BMPR1B: variants seen among roughly 807,000 people sequenced by gnomAD.
BMPR1B encodes the protein bone morphogenetic protein receptor type 1B, also known as bone morphogenetic protein receptor type-1B.
Under a neutral mutation model 59.1 loss-of-function variants are expected in BMPR1B, and 12 were observed. The ratio of observed to expected loss-of-function variants is 0.20; its 90% CI spans 0.13 to 0.33. The LOEUF is 0.33. Ranked by LOEUF, BMPR1B falls within the 10% of genes least tolerant of loss-of-function variation. The pLI, the probability that BMPR1B is intolerant of heterozygous loss-of-function variation, is 1.00. For missense variants in BMPR1B, 550 were observed against 610.9 expected, an observed-to-expected ratio of 0.90 and a Z score of 1.05; for synonymous variants, 237 against 207.3, an observed-to-expected ratio of 1.14 and a Z score of -1.23.
chr4:94,817,527 T>C (rs1724055315), intron 1 of BMPR1B, among the ~76,000 whole-genome samples: 1 of 152,106 alleles, frequency 6.6e-6, no homozygotes, highest in South Asian at 2.1e-4. Flanking sequence ...TTTTTTTTTC[T>C]TGGTCTGCGA....
intron 2 of BMPR1B, among the ~76,000 whole-genome samples, chr4:94,905,587 C>A (rs1220230736): frequency 6.6e-6 from 1 of 151,666 alleles, no homozygotes; most frequent in Non-Finnish European, 1.5e-5. Flanking sequence ...TAAACATTTT[C>A]CCTTTTAATA....
At chr4:95,023,948 G>A (rs1021921766) in intron 3 of BMPR1B, among the ~76,000 whole-genome samples, 8 of 152,102 alleles carry the variant, frequency 5.3e-5, no homozygotes, top group Non-Finnish European at 5.9e-5. Flanking sequence ...TAGCAAGAAC[G>A]GATGCTTGGA....
rs183138478 is a variant in BMPR1B at position 94,760,012 on chromosome 4, A to G, written c.-183+1944A>G. The stretch of plus-strand genomic sequence containing the variant: ...TGTTATTTGTCCAATCTGAATTACC[A>G]TTTAGAAAACCACCTTTTCCTTTTA... On this transcript the variant is annotated intron_variant, in intron 1 of 12. Coordinates refer to ENST00000515059, the MANE Select transcript of BMPR1B (RefSeq NM_001203.3). Among the ~76,000 whole-genome samples, 90 of 152,352 alleles carry G rather than the reference A, an allele frequency of 5.9e-4. No individual in the cohort carries two copies. In the Middle Eastern group the frequency reaches 0.01, roughly 17 times the overall value.
chr4:95,124,070 A>T lies in BMPR1B; in HGVS notation c.446+164A>T, dbSNP rs1273918544. On this transcript the variant is annotated intron_variant, in intron 7 of 12. Transcript: ENST00000515059. ...GTTACTGTTGATAAATATTTGTCCT[A>T]ATGAAGTTACAAATAGATACCTATC... 2.0e-5 allele frequency among the ~76,000 whole-genome samples: 3 copies of T among 152,164 alleles called. No individual in the cohort carries two copies. In the East Asian group the frequency reaches 5.8e-4, roughly 29 times the overall value.
chr4:94,810,581 A>G (rs1271222562), intron 1 of BMPR1B, among the ~76,000 whole-genome samples: 1 of 152,230 alleles, frequency 6.6e-6, no homozygotes, highest in Non-Finnish European at 1.5e-5. Context: ...CACACAGACA[A>G]AGCAAATGCA....
intron 3 of BMPR1B, among the ~76,000 whole-genome samples, chr4:95,078,251 T>G (rs889634444): frequency 6.6e-6 from 1 of 152,228 alleles, no homozygotes; most frequent in Admixed American, 6.5e-5. Context: ...TCTATCACAC[T>G]CTAGGAAGTA....
At chr4:94,970,312 C>CTCTCTCTCTT (rs1476849585) in intron 2 of BMPR1B, among the ~76,000 whole-genome samples, 1 of 96,390 alleles carries the variant, frequency 1.0e-5, no homozygotes, top group African/African-American at 4.0e-5. Flanking sequence ...TTCTTTCTCT[C>CTCTCTCTCTT]TCTCTTTCTC....
At chr4:95,094,728 C>A in intron 3 of BMPR1B, among the ~76,000 whole-genome samples, 1 of 152,160 alleles carries the variant, frequency 6.6e-6, no homozygotes, top group East Asian at 1.9e-4. Context: ...TACCCTACAT[C>A]GTCATCAAGT....
intron 2 of BMPR1B, among the ~76,000 whole-genome samples, chr4:94,965,973 A>C (rs1240132708): frequency 6.6e-6 from 1 of 152,204 alleles, no homozygotes; most frequent in Non-Finnish European, 1.5e-5. Flanking sequence ...ATTAGCCAGG[A>C]GAGCACTTAG....
At chr4:94,869,334 T>C (rs1355959053) in intron 1 of BMPR1B, among the ~76,000 whole-genome samples, 1 of 152,218 alleles carries the variant, frequency 6.6e-6, no homozygotes, top group Admixed American at 6.5e-5. Flanking sequence ...GTTATTTTAC[T>C]AAGCACCAGA....
intron 10 of BMPR1B, among the ~76,000 whole-genome samples, chr4:95,133,322 G>T (rs1733520247): frequency 6.6e-6 from 1 of 152,104 alleles, no homozygotes; most frequent in South Asian, 2.1e-4. Context: ...ATAGTTTCCT[G>T]TGGCTTCGTA....
chr4:94,898,892 A>G (rs192413228), intron 2 of BMPR1B, among the ~76,000 whole-genome samples: 14 of 152,136 alleles, frequency 9.2e-5, no homozygotes, highest in African/African-American at 3.4e-4. Context: ...AGTTGTATTA[A>G]TTTCTTGAAG....
At chr4:94,995,481 A>G (rs1722001139) in intron 2 of BMPR1B, among the ~76,000 whole-genome samples, 2 of 152,186 alleles carry the variant, frequency 1.3e-5, no homozygotes, top group South Asian at 2.1e-4. Flanking sequence ...TGTCATTTGG[A>G]TTCATAATGT....
chr4:95,015,066 G>A (rs1338577038), intron 3 of BMPR1B, among the ~76,000 whole-genome samples: 1 of 152,162 alleles, frequency 6.6e-6, no homozygotes, highest in Non-Finnish European at 1.5e-5. Flanking sequence ...ATTTTCACAA[G>A]AACACTGACA....
chr4:94,947,150 G>A (rs1038644682), intron 2 of BMPR1B, among the ~76,000 whole-genome samples: 5 of 152,282 alleles, frequency 3.3e-5, no homozygotes, highest in African/African-American at 9.6e-5. Flanking sequence ...ATGTGAGGTC[G>A]TGATTTGTGT....
At chr4:94,841,037 G>C (rs1463603286) in intron 1 of BMPR1B, among the ~76,000 whole-genome samples, 2 of 147,566 alleles carry the variant, frequency 1.4e-5, no homozygotes, top group East Asian at 1.9e-4. Context: ...AGGTGTCAGT[G>C]TGCCCCTGCT....
chr4:94,953,406 T>C (rs946435148), intron 2 of BMPR1B, among the ~76,000 whole-genome samples: 1 of 152,240 alleles, frequency 6.6e-6, no homozygotes, highest in African/African-American at 2.4e-5. Context: ...TACCGGTTTT[T>C]CCTTTCCATA....
chr4:94,948,806 T>A (rs12505736), intron 2 of BMPR1B, among the ~76,000 whole-genome samples: 74,715 of 151,994 alleles, frequency 0.49, 18,725 homozygotes, highest in South Asian at 0.6. Flanking sequence ...GCTAAATCAC[T>A]ATCTCTGCCT....
rs574673743 is a variant in BMPR1B at position 94,964,900 on chromosome 4, G to A, written c.-112-31140G>A. Among the ~76,000 whole-genome samples, 6 of 152,130 alleles carry A rather than the reference G, an allele frequency of 3.9e-5. No individual in the cohort carries two copies. The South Asian group carries it at 8.3e-4, about 21-fold the overall frequency. On this transcript the variant is annotated intron_variant, in intron 2 of 12. Transcript: ENST00000515059. ...ATGTTTCAGGTATATTCCAACCCTT[G>A]GTCTTCACACAAATGGTATTCTCCT...
Sources: allele counts gnomAD v4.1 joint callset (sites outside exome capture counted in the v4.1 genomes callset), GRCh38; gene constraint gnomAD v4.1.1; transcripts MANE v1.5; gene names NCBI Gene and HGNC (gene_info 2026-07-23, HGNC 2026-07-21).